CEP43: variants seen among roughly 807,000 people sequenced by gnomAD.
CEP43 encodes FGFR1 oncogene partner.
In CEP43, 36 loss-of-function variants were observed where a neutral mutation model predicts 52.6. The ratio of observed to expected loss-of-function variants is 0.68; its 90% confidence interval spans 0.52 to 0.90. The LOEUF is 0.90. Ranked by LOEUF, CEP43 falls within the 40% of genes least tolerant of loss-of-function variation. The probability of loss-of-function intolerance (pLI) is 0.00; values close to 1 mark genes in which losing one functional copy is unlikely to be tolerated. For synonymous variants in CEP43, 192 were observed against 172.4 expected (o/e 1.11, Z -0.89); for missense variants, 506 against 472.8 (o/e 1.07, Z -0.65).
rs60847556 is a variant in CEP43, at chr6:167,012,367, A to AT, written c.520-1131dup. Among the ~76,000 whole-genome samples the AT allele has an allele frequency of 2.8e-3, 425 of 150,020 alleles. 3 individuals carry two copies. The highest frequency in any genetic ancestry group is 9.8e-3 in the African/African-American group (401 of 40,928). ...GGTGTAGGGAAGGCCTTTTTTTAAA[A>AT]TTTTTTTTTTCCTAAATACTCATAG... On this transcript the variant is annotated intron_variant, in intron 6 of 12. Transcript: ENST00000366847.
chr6:167,036,553 G>A (rs1780589399), intron 12 of CEP43: 1 of 985,290 alleles, frequency 1.0e-6, no homozygotes, highest in Non-Finnish European at 1.2e-6. Flanking sequence ...TTAATGCATA[G>A]CAATCTAATT....
At chr6:167,029,986 C>T (rs1287054895) in intron 10 of CEP43, among the ~76,000 whole-genome samples, 1 of 152,198 alleles carries the variant, frequency 6.6e-6, no homozygotes, top group Non-Finnish European at 1.5e-5. Context: ...TTACAAAGTA[C>T]ATTGATCAGT....
intron 5 of CEP43, among the ~76,000 whole-genome samples, chr6:167,009,623 C>A (rs544737891): frequency 4.0e-5 from 6 of 148,866 alleles, no homozygotes; most frequent in Non-Finnish European, 1.5e-5. Context: ...CAAGATCTCG[C>A]CATTGCACTC....
chr6:167,036,184 C>T (rs1004530469), intron 12 of CEP43: 1 of 985,240 alleles, frequency 1.0e-6, no homozygotes, highest in Non-Finnish European at 1.2e-6. Flanking sequence ...AATTCAGAAG[C>T]AGGAACTAAT....
At position 167,040,038 on chromosome 6, in the gene CEP43, T is replaced by TC. The variant is rs386409287; in HGVS notation, c.*60_*61insC. On this transcript the variant is annotated 3_prime_UTR_variant, in exon 13 of 13. Coordinates refer to ENST00000366847, the MANE Select transcript of CEP43 (RefSeq NM_007045.4). ...AGAGGACTGACCGGTTCCATTTTTT[T>TC]TTTTTCCAGACAATCACTCAGCTGG... The TC allele has an allele frequency of 8.1e-6, 13 of 1,612,800 alleles. No individual in the cohort carries two copies. Among genetic ancestry groups the TC allele is most frequent in the Non-Finnish European group, 1.1e-5 (13 of 1,179,676 alleles).
Position 167,013,614 on chromosome 6 carries a change from G to A in CEP43, c.579+47G>A, listed in dbSNP as rs1391921684. On this transcript the variant is annotated intron_variant, in intron 7 of 12. Transcript: ENST00000366847. ...GAGAAAAGCAGCCTGTGGGCATCAGGTCTCGACTCTGGGGCCTCCTGGAGC... is the reference window on the plus strand; with the variant it reads ...GAGAAAAGCAGCCTGTGGGCATCAGATCTCGACTCTGGGGCCTCCTGGAGC... 7.2e-6 allele frequency: 11 copies of A among 1,521,368 alleles called. No individual in the cohort carries two copies. The South Asian group carries it at 1.1e-4, about 16-fold the overall frequency. The allele number at this position is 1,521,368 out of a possible 1,614,324, so 94.2% of individuals were successfully genotyped here. A position where few individuals can be genotyped will look rare whatever the true frequency, so the allele number is the denominator to read the frequency against.
rs891563064 is a variant in CEP43 at position 167,024,506 on chromosome 6, A to C, written c.807-276A>C. 2.0e-5 allele frequency among the ~76,000 whole-genome samples: 3 copies of C among 152,138 alleles called. No homozygotes were observed. The East Asian group carries it at 5.8e-4, about 29-fold the overall frequency. On this transcript the variant is annotated intron_variant, in intron 8 of 12. Transcript: ENST00000366847. ...GGTAATGGAAAAGGGCTTCCGAAAA[A>C]AATCACAGTGAAGAGGTCAATTTAG...
At position 167,044,464 on chromosome 6, in the gene CEP43, C is replaced by CA. The variant is rs1185579131; in HGVS notation, c.*4489dup. ...CTTGGCCAGAGGACCTCCAGGCTGA[C>CA]AAAGTTTCCCCGAGGAAGTCAGATT... On this transcript the variant is annotated 3_prime_UTR_variant, in exon 13 of 13. Coordinates refer to ENST00000366847, the MANE Select transcript of CEP43 (RefSeq NM_007045.4). 7 of 985,334 alleles carry CA rather than the reference C, an allele frequency of 7.1e-6. No homozygotes were observed. In the African/African-American group the frequency reaches 1.2e-4, roughly 17 times the overall value. 61.0% of individuals were successfully genotyped at this position (985,334 alleles called of 1,614,324 possible).
chr6:167,003,294 A>G (rs1291329740), intron 3 of CEP43, 47 bp downstream of exon 3: 2 of 1,059,076 alleles, frequency 1.9e-6, no homozygotes, highest in Non-Finnish European at 2.7e-6. Context: ...GAATTTTTGA[A>G]TCTTGATACC....
rs558633243 is a variant in CEP43 at position 167,026,310 on chromosome 6, C to T, written c.920-237C>T. 2.3e-3 allele frequency among the ~76,000 whole-genome samples: 352 copies of T among 152,322 alleles called. 6 individuals carry two copies. Among genetic ancestry groups the T allele is most frequent in the Non-Finnish European group, 7.1e-4 (48 of 68,030 alleles). ...CCCAGAAGGCAGAGGTTGCAGTGAGCTGAGACCGCGCCATTGCACTCCAGC... is the reference window on the plus strand; with the variant it reads ...CCCAGAAGGCAGAGGTTGCAGTGAGTTGAGACCGCGCCATTGCACTCCAGC... On this transcript the variant is annotated intron_variant, in intron 9 of 12. Transcript: ENST00000366847.
chr6:167,024,638 T>A, intron 8 of CEP43, 144 bp from the exon 9 acceptor site: 1 of 663,406 alleles, frequency 1.5e-6, no homozygotes, highest in Non-Finnish European at 2.7e-6. Context: ...ACTTTATGGT[T>A]TTGAATCTTT....
intron 12 of CEP43, chr6:167,036,747 C>CT (rs1250806601): frequency 1.0e-6 from 1 of 984,702 alleles, no homozygotes; most frequent in Non-Finnish European, 1.2e-6. Flanking sequence ...AAGTTGGTCA[C>CT]TTTGAGTTCT....
chr6:167,030,745 C>A (rs1027159617), intron 10 of CEP43, among the ~76,000 whole-genome samples: 1 of 152,190 alleles, frequency 6.6e-6, no homozygotes, highest in Admixed American at 6.5e-5. Flanking sequence ...TCCTTACTTT[C>A]ATTGTTGCCT....
chr6:167,042,197 T>C lies in CEP43; in HGVS notation c.*2219T>C. On this transcript the variant is annotated 3_prime_UTR_variant, in exon 13 of 13. Coordinates refer to ENST00000366847, the MANE Select transcript of CEP43 (RefSeq NM_007045.4). ...AAAGCTTTCTTTTCACATGTACTTT[T>C]TGATTAGGTATTATCAACTTATGAA... 1 of 1,006,956 alleles carries C rather than the reference T, an allele frequency of 9.9e-7. No individual in the cohort carries two copies. The highest frequency in any genetic ancestry group is 1.2e-6 in the Non-Finnish European group (1 of 841,752). 62.4% of individuals were successfully genotyped at this position (1,006,956 alleles called of 1,614,324 possible). A position where few individuals can be genotyped will look rare whatever the true frequency, so the allele number is the denominator to read the frequency against.
intron 7 of CEP43, among the ~76,000 whole-genome samples, chr6:167,018,720 T>C (rs1292632047): frequency 6.6e-6 from 1 of 152,192 alleles, no homozygotes; most frequent in Non-Finnish European, 1.5e-5. Flanking sequence ...TTGTTAGTTT[T>C]TAAACAATAC....
chr6:166,999,695 C>A (rs1583262787), intron 1 of CEP43, 181 bp downstream of exon 1: 1 of 476,918 alleles, frequency 2.1e-6, no homozygotes, highest in Non-Finnish European at 3.6e-6. Flanking sequence ...TCGGCTCGTT[C>A]GTTCGTGTGG....
At chr6:167,038,827 G>A (rs529682991) in intron 12 of CEP43, among the ~76,000 whole-genome samples, 22 of 152,130 alleles carry the variant, frequency 1.4e-4, no homozygotes, top group African/African-American at 5.3e-4. Flanking sequence ...CATAGGTTTT[G>A]GGGGAACAGG....
intron 8 of CEP43, among the ~76,000 whole-genome samples, chr6:167,023,057 G>T (rs1243968893): frequency 6.6e-6 from 1 of 152,168 alleles, no homozygotes; most frequent in Non-Finnish European, 1.5e-5. Flanking sequence ...AAATTGGAGG[G>T]GGCCTCACTT....
intron 12 of CEP43, among the ~76,000 whole-genome samples, chr6:167,034,702 C>T (rs1780547703): frequency 6.6e-6 from 1 of 152,226 alleles, no homozygotes; most frequent in African/African-American, 2.4e-5. Flanking sequence ...AATGCAACCA[C>T]ACAATCTAAG....
Sources: gnomAD v4.1 joint callset for allele counts (sites outside exome capture counted in the v4.1 genomes callset) on GRCh38, gnomAD v4.1.1 for gene constraint, MANE v1.5 for transcripts, NCBI Gene and HGNC (gene_info 2026-07-23, HGNC 2026-07-21) for gene names.